KDM6A: variants seen among roughly 807,000 people sequenced by gnomAD.
The protein encoded by KDM6A is lysine-specific demethylase 6A.
In KDM6A, 11 loss-of-function variants were observed where a neutral mutation model predicts 117.6. That is an observed-to-expected ratio of 0.09 (90% CI 0.06 to 0.15). The LOEUF (loss-of-function observed/expected upper bound fraction) is 0.15. Among genes scored for constraint, KDM6A ranks in the 10% least tolerant of loss-of-function variants. The pLI is 1.00. For missense variants in KDM6A, 799 were observed against 1,077.3 expected (o/e 0.74, Z 3.62); for synonymous variants, 384 against 396.1 (o/e 0.97, Z 0.36).
intron 4 of KDM6A, among the ~76,000 whole-genome samples, chrX:45,008,800 T>A (rs910434707): frequency 1.2e-4 from 13 of 111,936 alleles, no homozygotes; most frequent in Non-Finnish European, 1.5e-4. Flanking sequence ...AAAAAAAATT[T>A]AAACAGGAAA....
chrX:44,933,403 G>T (rs2036779769), intron 2 of KDM6A, among the ~76,000 whole-genome samples: 1 of 104,569 alleles, frequency 9.6e-6, no homozygotes, highest in African/African-American at 3.5e-5. Context: ...AAGTAGCTGG[G>T]ACTGACTACA....
intron 24 of KDM6A, 77 bp from the exon 25 acceptor site, chrX:45,085,788 A>AT: frequency 3.5e-6 from 2 of 566,968 alleles, no homozygotes; most frequent in South Asian, 4.8e-5. Context: ...GTGATGATTA[A>AT]TTTTTTTCTG....
chrX:45,031,188 T>C (rs761049797), intron 6 of KDM6A, among the ~76,000 whole-genome samples: 3 of 112,368 alleles, frequency 2.7e-5, no homozygotes, highest in Non-Finnish European at 5.6e-5. Flanking sequence ...TTTCTTACTT[T>C]CCTCATCTAT....
At chrX:44,956,759 C>T (rs1253813748) in intron 2 of KDM6A, among the ~76,000 whole-genome samples, 3 of 111,555 alleles carry the variant, frequency 2.7e-5, no homozygotes, top group Middle Eastern at 4.6e-3. Flanking sequence ...CTGCTTAAAT[C>T]CCTTAATCTA....
At chrX:44,877,184 T>C (rs1016770815) in intron 2 of KDM6A, among the ~76,000 whole-genome samples, 13 of 112,202 alleles carry the variant, frequency 1.2e-4, no homozygotes, top group Non-Finnish European at 1.9e-5. Flanking sequence ...CGAATGTTTT[T>C]GTCAGATTCA....
chrX:45,061,296 AT>A (rs759545451), intron 14 of KDM6A, 27 bp from the exon 15 acceptor site: 560 of 889,142 alleles, frequency 6.3e-4, no homozygotes, highest in Non-Finnish European at 7.6e-4. Context: ...ATATTCTTTA[AT>A]TTTTTTTTTA....
At chrX:45,049,736 G>T (rs140836177) in intron 8 of KDM6A, among the ~76,000 whole-genome samples, 5,237 of 111,930 alleles carry the variant, frequency 0.047, 316 homozygotes, top group African/African-American at 0.16. Context: ...TCTTTGTGAA[G>T]TAGTCTTTGC....
At chrX:44,889,455 A>G (rs1014595177) in intron 2 of KDM6A, among the ~76,000 whole-genome samples, 2 of 112,042 alleles carry the variant, frequency 1.8e-5, no homozygotes, top group African/African-American at 6.5e-5. Context: ...ACTCTTAAGG[A>G]AACACTTAAA....
chrX:45,024,491 T>G (rs771896796), intron 6 of KDM6A, among the ~76,000 whole-genome samples: 4 of 109,874 alleles, frequency 3.6e-5, no homozygotes, highest in South Asian at 7.7e-4. Flanking sequence ...GGATTATTTG[T>G]TTTTTTTTCT....
At chrX:45,061,994 C>T (rs1410568291) in intron 15 of KDM6A, among the ~76,000 whole-genome samples, 1 of 109,074 alleles carries the variant, frequency 9.2e-6, no homozygotes, top group African/African-American at 3.3e-5. Flanking sequence ...TAACTCTGGC[C>T]CCTACCCACT....
intron 2 of KDM6A, among the ~76,000 whole-genome samples, chrX:44,958,405 A>G (rs765914749): frequency 3.0e-4 from 33 of 109,667 alleles, no homozygotes; most frequent in Non-Finnish European, 4.4e-4. Flanking sequence ...GATGGTCTCC[A>G]TCTCCTGACC....
rs185569813 is a variant in KDM6A at position 44,933,080 on chromosome X, G to A, written c.226-28204G>A. 8.5e-3 allele frequency among the ~76,000 whole-genome samples: 902 copies of A among 106,557 alleles called. 30 individuals carry two copies. Among genetic ancestry groups the A allele is most frequent in the Admixed American group, 0.072 (697 of 9,721 alleles). 92.5% of individuals were successfully genotyped at this position (106,557 alleles called of 115,157 possible). On this transcript the variant is annotated intron_variant, in intron 2 of 29. Transcript: ENST00000611820. ...TTTTTTTATTTTTAGTAGAGACGGGGCTTCACCATGTTGGCCAGGCTGGTC... is the reference window on the plus strand; with the variant it reads ...TTTTTTTATTTTTAGTAGAGACGGGACTTCACCATGTTGGCCAGGCTGGTC...
At chrX:44,907,470 G>GGT (rs1569404521) in intron 2 of KDM6A, among the ~76,000 whole-genome samples, 2 of 74,768 alleles carry the variant, frequency 2.7e-5, no homozygotes, top group East Asian at 4.0e-4. Flanking sequence ...TGTGTGTGTG[G>GGT]TTTTTTTTTT....
rs919885618 is a variant in KDM6A, at chrX:45,111,570, A to G, written c.*159A>G. 4.7e-5 allele frequency: 23 copies of G among 485,531 alleles called. No individual in the cohort carries two copies. The highest frequency in any genetic ancestry group is 8.8e-5 in the Admixed American group (3 of 34,072). The allele number at this position is 485,531 out of a possible 1,213,427, so 40.0% of individuals were successfully genotyped here. On this transcript the variant is annotated 3_prime_UTR_variant, in exon 30 of 30. Transcript: ENST00000611820. The stretch of plus-strand genomic sequence containing the variant: ...AGTGTCAACCAACTGGACGGGAGAG[A>G]GTACTGCTCCTACTCCAGGACTCTC...
At chrX:44,936,442 A>G (rs374800266) in intron 2 of KDM6A, among the ~76,000 whole-genome samples, 1 of 111,931 alleles carries the variant, frequency 8.9e-6, no homozygotes, top group East Asian at 2.8e-4. Flanking sequence ...TGTTTTCTCT[A>G]TAGAGATATG....
chrX:44,987,287 G>T (rs1400969215), intron 4 of KDM6A, among the ~76,000 whole-genome samples: 1 of 110,522 alleles, frequency 9.0e-6, no homozygotes, highest in African/African-American at 3.3e-5. Flanking sequence ...CCTTTATTTT[G>T]AGCCTATGTG....
intron 2 of KDM6A, among the ~76,000 whole-genome samples, chrX:44,919,767 G>A (rs1034510477): frequency 1.8e-5 from 2 of 108,394 alleles, no homozygotes; most frequent in Non-Finnish European, 3.8e-5. Context: ...GCACCACCAT[G>A]CCCAGCTAAT....
Position 45,017,461 on chromosome X carries a change from C to G in KDM6A, c.444-3149C>G, listed in dbSNP as rs192056142. The stretch of plus-strand genomic sequence containing the variant: ...CACTCCCTCAACTCTTAACTCTAAA[C>G]TCTTAACTCCAAATCCACCTTCCCT... On this transcript the variant is annotated intron_variant, in intron 5 of 29. Coordinates refer to ENST00000611820, the MANE Select transcript of KDM6A (RefSeq NM_001291415.2). Among the ~76,000 whole-genome samples the G allele has an allele frequency of 5.4e-3, 604 of 111,577 alleles. 2 individuals are homozygous for G. The highest frequency in any genetic ancestry group is 0.018 in the African/African-American group (565 of 30,663).
chrX:44,980,685 T>C (rs1393060633), intron 4 of KDM6A, among the ~76,000 whole-genome samples: 1 of 104,098 alleles, frequency 9.6e-6, no homozygotes, highest in African/African-American at 3.5e-5. Context: ...CTAAATTATA[T>C]TGTTCTAGTC....
Sources: gnomAD v4.1 joint callset for allele counts (sites outside exome capture counted in the v4.1 genomes callset) on GRCh38, gnomAD v4.1.1 for gene constraint, MANE v1.5 for transcripts, NCBI Gene and HGNC (gene_info 2026-07-23, HGNC 2026-07-21) for gene names.